NKAIN3: variants seen among roughly 807,000 people sequenced by gnomAD.
NKAIN3 encodes sodium/potassium-transporting ATPase subunit beta-1-interacting protein 3.
Under a neutral mutation model 30.2 loss-of-function variants are expected in NKAIN3, and 25 were observed. That is an observed-to-expected ratio of 0.83 (90% confidence interval 0.60 to 1.16). NKAIN3 has a LOEUF of 1.16. Among genes scored for constraint, NKAIN3 ranks in the 50% most tolerant of loss-of-function variants. The pLI is 0.00. For missense variants in NKAIN3, 225 were observed against 254.1 expected (o/e 0.89, Z 0.78); for synonymous variants, 91 against 89.6 (o/e 1.02, Z -0.09).
chr8:62,569,942 A>T (rs1276891360), intron 1 of NKAIN3, among the ~76,000 whole-genome samples: 1 of 151,968 alleles, frequency 6.6e-6, no homozygotes, highest in African/African-American at 2.4e-5. Flanking sequence ...TAGGCTAGAG[A>T]CTACACACAA....
chr8:62,623,859 G>C (rs986880177), intron 3 of NKAIN3, among the ~76,000 whole-genome samples: 1 of 151,948 alleles, frequency 6.6e-6, no homozygotes, highest in Non-Finnish European at 1.5e-5. Flanking sequence ...GAAAATGAAG[G>C]AATAAAAGAA....
At chr8:62,609,893 C>T (rs1304074440) in intron 3 of NKAIN3, among the ~76,000 whole-genome samples, 3 of 152,214 alleles carry the variant, frequency 2.0e-5, no homozygotes, top group East Asian at 3.9e-4. Context: ...CCTACAGGAA[C>T]GTCGTGTAGG....
chr8:62,566,740 GA>G (rs1174250353), intron 1 of NKAIN3, among the ~76,000 whole-genome samples: 3 of 151,992 alleles, frequency 2.0e-5, no homozygotes, highest in Non-Finnish European at 1.5e-5. Flanking sequence ...CATCTTTAAA[GA>G]GTCAGAGTAT....
At chr8:62,523,439 T>G (rs1808215030) in intron 1 of NKAIN3, among the ~76,000 whole-genome samples, 1 of 152,166 alleles carries the variant, frequency 6.6e-6, no homozygotes, top group Admixed American at 6.6e-5. Context: ...AGTTTCTCAA[T>G]ATTGACCATG....
At chr8:62,639,940 T>C (rs1473238957) in intron 3 of NKAIN3, among the ~76,000 whole-genome samples, 1 of 152,036 alleles carries the variant, frequency 6.6e-6, no homozygotes. Flanking sequence ...TACCAGGAAA[T>C]TATAGTAGGA....
At chr8:62,799,356 C>T (rs899302259) in intron 4 of NKAIN3, among the ~76,000 whole-genome samples, 4 of 151,944 alleles carry the variant, frequency 2.6e-5, no homozygotes, top group Non-Finnish European at 5.9e-5. Flanking sequence ...AAGAAAAAAA[C>T]AAACAATTGC....
chr8:62,798,959 T>C (rs1016964717), intron 4 of NKAIN3, among the ~76,000 whole-genome samples: 1 of 151,646 alleles, frequency 6.6e-6, no homozygotes, highest in African/African-American at 2.4e-5. Flanking sequence ...TGACCTGGAG[T>C]CAAGGCAGTA....
At chr8:62,787,803 G>C (rs1163897759) in intron 4 of NKAIN3, among the ~76,000 whole-genome samples, 11 of 151,954 alleles carry the variant, frequency 7.2e-5, no homozygotes, top group Admixed American at 5.3e-4. Context: ...CCTTGTGATA[G>C]TTTGCTGAGA....
intron 4 of NKAIN3, among the ~76,000 whole-genome samples, chr8:62,858,651 A>C (rs939706883): frequency 6.6e-6 from 1 of 152,204 alleles, no homozygotes; most frequent in Non-Finnish European, 1.5e-5. Context: ...CAAAGCAGCT[A>C]TGCTGCACTG....
At chr8:62,519,631 A>G (rs1308099628) in intron 1 of NKAIN3, among the ~76,000 whole-genome samples, 1 of 152,182 alleles carries the variant, frequency 6.6e-6, no homozygotes, top group Non-Finnish European at 1.5e-5. Context: ...GGGCATCTGC[A>G]TGATCATTCT....
chr8:62,944,556 A>G (rs541906651), intron 5 of NKAIN3, among the ~76,000 whole-genome samples: 5 of 152,316 alleles, frequency 3.3e-5, no homozygotes, highest in African/African-American at 9.6e-5. Context: ...TCATTTAGAC[A>G]TATTTAATTT....
chr8:62,415,138 T>TATA (rs57998130), intron 1 of NKAIN3, among the ~76,000 whole-genome samples: 92,626 of 139,832 alleles, frequency 0.66, 31,577 homozygotes, highest in Non-Finnish European at 0.73. Context: ...TACTATAGTA[T>TATA]ATATGTATTA....
chr8:62,942,292 A>G (rs1276154629), intron 5 of NKAIN3, among the ~76,000 whole-genome samples: 1 of 147,100 alleles, frequency 6.8e-6, no homozygotes, highest in East Asian at 2.0e-4. Flanking sequence ...ACACATATAT[A>G]TATACACACA....
At chr8:62,989,237 G>T (rs1563656750), downstream of NKAIN3, among the ~76,000 whole-genome samples, 1 of 152,042 alleles carries the variant, frequency 6.6e-6, no homozygotes, top group Non-Finnish European at 1.5e-5. Flanking sequence ...CACATTTTCG[G>T]GTACCTTTAC....
intron 4 of NKAIN3, among the ~76,000 whole-genome samples, chr8:62,902,100 C>T (rs562475901): frequency 1.7e-3 from 263 of 152,286 alleles, no homozygotes; most frequent in Non-Finnish European, 2.1e-3. Flanking sequence ...CCAGTGGCTG[C>T]TCTGGGGACC....
chr8:62,807,846 T>A (rs979186714), intron 4 of NKAIN3, among the ~76,000 whole-genome samples: 1 of 150,770 alleles, frequency 6.6e-6, no homozygotes, highest in African/African-American at 2.4e-5. Flanking sequence ...CATACAATTT[T>A]ATCAATTTTA....
intron 3 of NKAIN3, among the ~76,000 whole-genome samples, chr8:62,653,287 G>C (rs190488234): frequency 3.3e-5 from 5 of 152,168 alleles, no homozygotes; most frequent in African/African-American, 1.2e-4. Context: ...GTAGCAGAGA[G>C]AGAGAGAGAG....
chr8:62,895,242 C>T (rs1821396634), intron 4 of NKAIN3, among the ~76,000 whole-genome samples: 1 of 152,226 alleles, frequency 6.6e-6, no homozygotes, highest in Non-Finnish European at 1.5e-5. Flanking sequence ...CTATCCTCCA[C>T]ATTCATTAGA....
chr8:62,599,183 C>G (rs1454148716), intron 3 of NKAIN3, among the ~76,000 whole-genome samples: 1 of 152,066 alleles, frequency 6.6e-6, no homozygotes, highest in African/African-American at 2.4e-5. Context: ...CAGATATTCC[C>G]TTTCCTTTTG....
Sources: gnomAD v4.1 joint callset for allele counts (sites outside exome capture counted in the v4.1 genomes callset) on GRCh38, gnomAD v4.1.1 for gene constraint, MANE v1.5 for transcripts, NCBI Gene and HGNC (gene_info 2026-07-23, HGNC 2026-07-21) for gene names.